The following PHACTR1 variants were observed in gnomAD, a reference collection of about 807,000 sequenced individuals.
PHACTR1 encodes phosphatase and actin regulator 1.
In PHACTR1, 16 loss-of-function variants were observed where a neutral mutation model predicts 69.2. The ratio of observed to expected loss-of-function variants is 0.23; its 90% CI spans 0.16 to 0.35. The LOEUF is 0.35. PHACTR1 is among the 10% of genes least tolerant of loss of function. The pLI, the probability that PHACTR1 is intolerant of heterozygous loss-of-function variation, is 1.00. For synonymous variants in PHACTR1, 312 were observed against 284.5 expected (o/e 1.10, Z -0.97); for missense variants, 510 against 734.7 (o/e 0.69, Z 3.54).
At chr6:13,180,273 A>G (rs912295037) in intron 6 of PHACTR1, among the ~76,000 whole-genome samples, 1 of 152,184 alleles carries the variant, frequency 6.6e-6, no homozygotes, top group Non-Finnish European at 1.5e-5. Flanking sequence ...GGAAATGTGT[A>G]TTTAGCAATT....
intron 4 of PHACTR1, among the ~76,000 whole-genome samples, chr6:12,844,817 C>T (rs1779041674): frequency 6.6e-6 from 1 of 152,102 alleles, no homozygotes; most frequent in South Asian, 2.1e-4. Context: ...GGGAAAGTGG[C>T]TTGGGGAGGA....
chr6:12,721,775 A>G (rs1223050704), intron 3 of PHACTR1, among the ~76,000 whole-genome samples: 1 of 152,170 alleles, frequency 6.6e-6, no homozygotes, highest in African/African-American at 2.4e-5. Context: ...CTTTGCACAG[A>G]TTCCACAGTC....
chr6:13,068,999 A>G (rs1313740302), intron 5 of PHACTR1, among the ~76,000 whole-genome samples: 1 of 152,200 alleles, frequency 6.6e-6, no homozygotes, highest in Non-Finnish European at 1.5e-5. Flanking sequence ...GCCTGAGCTA[A>G]GCAAAGCAGG....
chr6:13,055,804 T>C (rs1245116802), intron 5 of PHACTR1, among the ~76,000 whole-genome samples: 1 of 152,248 alleles, frequency 6.6e-6, no homozygotes, highest in African/African-American at 2.4e-5. Flanking sequence ...TGGCATCAGA[T>C]TACTCATGAA....
intron 4 of PHACTR1, among the ~76,000 whole-genome samples, chr6:13,009,018 C>G (rs888311963): frequency 3.9e-5 from 6 of 152,168 alleles, no homozygotes; most frequent in African/African-American, 1.4e-4. Flanking sequence ...CCTCCCCTTG[C>G]TCCAGCTTCT....
intron 8 of PHACTR1, among the ~76,000 whole-genome samples, chr6:13,216,550 T>A (rs554182131): frequency 6.6e-6 from 1 of 152,228 alleles, no homozygotes; most frequent in Non-Finnish European, 1.5e-5. Flanking sequence ...AAATGAAATA[T>A]GTTTCCAGGG....
intron 5 of PHACTR1, among the ~76,000 whole-genome samples, chr6:13,069,711 G>A (rs906007625): frequency 2.6e-5 from 4 of 151,990 alleles, no homozygotes; most frequent in Admixed American, 6.6e-5. Flanking sequence ...ATGTCATATC[G>A]GTTGACTGCA....
chr6:13,144,611 T>A (rs1400895370), intron 5 of PHACTR1, among the ~76,000 whole-genome samples: 2 of 151,560 alleles, frequency 1.3e-5, no homozygotes, highest in Non-Finnish European at 2.9e-5. Flanking sequence ...CTAAAATATG[T>A]GTGAATTAGC....
intron 4 of PHACTR1, among the ~76,000 whole-genome samples, chr6:12,902,946 A>G (rs1248279504): frequency 1.3e-5 from 2 of 152,200 alleles, no homozygotes; most frequent in African/African-American, 4.8e-5. Context: ...TCGAGACCCA[A>G]CCGGCCCCTT....
intron 4 of PHACTR1, among the ~76,000 whole-genome samples, chr6:12,934,225 T>G (rs1215412288): frequency 6.6e-6 from 1 of 152,232 alleles, no homozygotes; most frequent in Non-Finnish European, 1.5e-5. Flanking sequence ...CACATTATCT[T>G]TCCTTTGTCC....
At chr6:12,862,279 G>T (rs1389268357) in intron 4 of PHACTR1, among the ~76,000 whole-genome samples, 1 of 152,192 alleles carries the variant, frequency 6.6e-6, no homozygotes, top group Non-Finnish European at 1.5e-5. Flanking sequence ...GAGTTGCATG[G>T]TTGGCCAATG....
intron 4 of PHACTR1, among the ~76,000 whole-genome samples, chr6:13,039,669 C>G (rs1430762469): frequency 2.6e-5 from 4 of 152,146 alleles, no homozygotes; most frequent in Non-Finnish European, 5.9e-5. Context: ...GATGCCAGAC[C>G]AAGGTCCCTT....
intron 10 of PHACTR1, among the ~76,000 whole-genome samples, chr6:13,247,672 AC>A (rs1773780492): frequency 6.6e-6 from 1 of 152,116 alleles, no homozygotes; most frequent in South Asian, 2.1e-4. Context: ...AGATGCCAAG[AC>A]AGATAATTGC....
At chr6:13,174,241 C>T (rs1460054938) in intron 6 of PHACTR1, among the ~76,000 whole-genome samples, 1 of 152,210 alleles carries the variant, frequency 6.6e-6, no homozygotes, top group East Asian at 1.9e-4. Flanking sequence ...CAGCTCTTGT[C>T]TCAGAGAGAA....
intron 4 of PHACTR1, among the ~76,000 whole-genome samples, chr6:12,755,353 C>T (rs370594025): frequency 1.3e-5 from 2 of 152,302 alleles, no homozygotes; most frequent in East Asian, 3.9e-4. Flanking sequence ...ATTCACTCAG[C>T]TCTAAGATGA....
chr6:13,104,302 A>C (rs780060243), intron 5 of PHACTR1, among the ~76,000 whole-genome samples: 13 of 152,226 alleles, frequency 8.5e-5, no homozygotes, highest in Non-Finnish European at 1.6e-4. Flanking sequence ...AAAAAAGAAA[A>C]AAAATTTATT....
At position 12,929,631 on chromosome 6, in the gene PHACTR1, C is replaced by T. The variant is rs143734393; in HGVS notation, c.251-123734C>T. 2.6e-5 allele frequency among the ~76,000 whole-genome samples: 4 copies of T among 152,286 alleles called. No homozygotes were observed. In the East Asian group the frequency reaches 7.7e-4, roughly 29 times the overall value. ...TGCAAAGAACAAATGACTCATTGTTCCTCAGTCACACCACTTCAATAGCTG... is the reference window on the plus strand; with the variant it reads ...TGCAAAGAACAAATGACTCATTGTTTCTCAGTCACACCACTTCAATAGCTG... On this transcript the variant is annotated intron_variant, in intron 4 of 14. Transcript: ENST00000332995.
chr6:12,869,300 C>G (rs1469614514), intron 4 of PHACTR1, among the ~76,000 whole-genome samples: 3 of 152,200 alleles, frequency 2.0e-5, no homozygotes, highest in Non-Finnish European at 1.5e-5. Context: ...ACCCCTAGCA[C>G]CACCTGCCTA....
chr6:12,783,873 T>G (rs1771140321), intron 4 of PHACTR1, among the ~76,000 whole-genome samples: 1 of 152,116 alleles, frequency 6.6e-6, no homozygotes, highest in African/African-American at 2.4e-5. Flanking sequence ...GTAATTGCTG[T>G]AGAAATTCAG....
Sources: allele counts gnomAD v4.1 joint callset (sites outside exome capture counted in the v4.1 genomes callset), GRCh38; gene constraint gnomAD v4.1.1; transcripts MANE v1.5; gene names NCBI Gene and HGNC (gene_info 2026-07-23, HGNC 2026-07-21).